The following DPP10 variants were observed in gnomAD, a reference collection of about 807,000 sequenced individuals.
The protein encoded by DPP10 is inactive dipeptidyl peptidase 10.
A neutral mutation model predicts 120.9 loss-of-function variants in DPP10; 33 were observed. That is an observed-to-expected ratio of 0.27 (90% confidence interval 0.21 to 0.37). The LOEUF (loss-of-function observed/expected upper bound fraction) is 0.37, where lower values mean the gene tolerates loss of function less well. DPP10 is among the 10% of genes least tolerant of loss of function. DPP10 has a pLI of 1.00. For missense variants in DPP10, 816 were observed against 942.8 expected (o/e 0.87, Z 1.76); for synonymous variants, 337 against 326.1 (o/e 1.03, Z -0.36).
At chr2:114,963,130 GA>G (rs1698769470) in intron 1 of DPP10, among the ~76,000 whole-genome samples, 2 of 152,080 alleles carry the variant, frequency 1.3e-5, no homozygotes, top group Admixed American at 1.3e-4. Flanking sequence ...ACTTATACAC[GA>G]GGACAGTATG....
chr2:115,794,111 A>G (rs1478994923), intron 19 of DPP10, among the ~76,000 whole-genome samples: 1 of 152,206 alleles, frequency 6.6e-6, no homozygotes, highest in Non-Finnish European at 1.5e-5. Context: ...GAGCAATTAG[A>G]CAGTGATAAA....
chr2:114,695,318 T>C (rs1700007522), intron 1 of DPP10, among the ~76,000 whole-genome samples: 1 of 152,022 alleles, frequency 6.6e-6, no homozygotes, highest in Non-Finnish European at 1.5e-5. Flanking sequence ...CACATCTCAG[T>C]TCAAATGATA....
chr2:114,657,592 A>G (rs1697060928), intron 1 of DPP10, among the ~76,000 whole-genome samples: 1 of 152,200 alleles, frequency 6.6e-6, no homozygotes, highest in East Asian at 1.9e-4. Flanking sequence ...CATCGTGAGA[A>G]GGCAAGATGT....
intron 5 of DPP10, among the ~76,000 whole-genome samples, chr2:115,638,258 T>C (rs2086512798): frequency 6.6e-6 from 1 of 152,186 alleles, no homozygotes; most frequent in Non-Finnish European, 1.5e-5. Context: ...TTACTAAAAC[T>C]GTGCTTGAAG....
At chr2:115,432,647 C>A (rs2071099310) in intron 3 of DPP10, among the ~76,000 whole-genome samples, 1 of 127,236 alleles carries the variant, frequency 7.9e-6, no homozygotes, top group Non-Finnish European at 1.7e-5. Context: ...TGTTTAAAAG[C>A]CATAGGCAAT....
At chr2:115,728,142 T>G (rs759368895) in intron 8 of DPP10, among the ~76,000 whole-genome samples, 1 of 152,074 alleles carries the variant, frequency 6.6e-6, no homozygotes, top group Non-Finnish European at 1.5e-5. Context: ...GATTCCATGT[T>G]TGGTGTATAT....
chr2:115,162,415 C>G (rs542344514), intron 1 of DPP10: 1 of 1,223,226 alleles, frequency 8.2e-7, no homozygotes, highest in Non-Finnish European at 1.1e-6. Context: ...GGCCGCTCAC[C>G]GGGTTCGAGC....
At chr2:115,635,940 A>G (rs899085234) in intron 5 of DPP10, among the ~76,000 whole-genome samples, 1 of 152,356 alleles carries the variant, frequency 6.6e-6, no homozygotes, top group East Asian at 1.9e-4. Flanking sequence ...TTTTCAAAGC[A>G]TCATTGCACA....
intron 1 of DPP10, among the ~76,000 whole-genome samples, chr2:114,692,812 T>C (rs1415183987): frequency 1.3e-5 from 2 of 152,142 alleles, no homozygotes; most frequent in African/African-American, 4.8e-5. Flanking sequence ...TCTTGCTTAA[T>C]TGAACCCTTT....
Position 114,794,929 on chromosome 2 carries a change from C to T in DPP10, c.60+352091C>T, listed in dbSNP as rs150908827. ...GATAGTGTAAGCTCTCAGTACATTGCGTGAGGCACATATCACTATTAATAA... is the reference window on the plus strand; with the variant it reads ...GATAGTGTAAGCTCTCAGTACATTGTGTGAGGCACATATCACTATTAATAA... On this transcript the variant is annotated intron_variant, in intron 1 of 25. Coordinates refer to ENST00000410059, the MANE Select transcript of DPP10 (RefSeq NM_020868.6). 5.9e-3 allele frequency among the ~76,000 whole-genome samples: 896 copies of T among 152,234 alleles called. 11 individuals carry two copies. The highest frequency in any genetic ancestry group is 0.02 in the African/African-American group (842 of 41,522).
chr2:115,741,422 T>G (rs1361093998), intron 9 of DPP10, among the ~76,000 whole-genome samples: 1 of 151,952 alleles, frequency 6.6e-6, no homozygotes, highest in African/African-American at 2.4e-5. Flanking sequence ...AATTATAGAT[T>G]TAGCTTTTTT....
At chr2:115,283,036 T>G (rs1049639066) in intron 1 of DPP10, among the ~76,000 whole-genome samples, 1 of 152,076 alleles carries the variant, frequency 6.6e-6, no homozygotes, top group African/African-American at 2.4e-5. Context: ...ATTCCATTTA[T>G]GTATCATTCT....
At chr2:114,467,042 A>G (rs1262227295) in intron 1 of DPP10, among the ~76,000 whole-genome samples, 2 of 151,866 alleles carry the variant, frequency 1.3e-5, no homozygotes, top group Admixed American at 1.3e-4. Context: ...ATATCCAAAA[A>G]AAAAAAAAAA....
At chr2:115,213,082 G>A (rs2056619927) in intron 1 of DPP10, among the ~76,000 whole-genome samples, 1 of 152,106 alleles carries the variant, frequency 6.6e-6, no homozygotes, top group Non-Finnish European at 1.5e-5. Context: ...GCTATAACAT[G>A]TACATTTGAA....
At position 115,160,751 on chromosome 2, in the gene DPP10, C is replaced by T. The variant is rs76069628; in HGVS notation, c.61-148488C>T. On this transcript the variant is annotated intron_variant, in intron 1 of 25. Coordinates refer to ENST00000410059, the MANE Select transcript of DPP10 (RefSeq NM_020868.6). ...ATGAACTGTGGACTTTGTCTATCCG[C>T]GGTAATTCAACTTCCTAAGAGCTAC... Among the ~76,000 whole-genome samples the T allele has an allele frequency of 3.1e-3, 465 of 152,282 alleles. 4 individuals carry two copies. Among genetic ancestry groups the T allele is most frequent in the African/African-American group, 0.011 (444 of 41,558 alleles).
At chr2:115,187,106 G>T (rs527942625) in intron 1 of DPP10, among the ~76,000 whole-genome samples, 1 of 131,956 alleles carries the variant, frequency 7.6e-6, no homozygotes, top group African/African-American at 2.8e-5. Context: ...GCGCAATCTC[G>T]GCTCACTGCA....
chr2:115,043,797 C>T (rs1015739434), intron 1 of DPP10, among the ~76,000 whole-genome samples: 2 of 152,156 alleles, frequency 1.3e-5, no homozygotes, highest in African/African-American at 4.8e-5. Context: ...TATATCAAAG[C>T]TCCTTCTCTT....
intron 1 of DPP10, among the ~76,000 whole-genome samples, chr2:115,005,733 G>A (rs1296158382): frequency 4.5e-4 from 69 of 152,000 alleles, no homozygotes; most frequent in Middle Eastern, 3.4e-3. Context: ...GACCAAATCT[G>A]CGTCTGATTG....
chr2:115,327,944 C>A (rs545537674), intron 2 of DPP10, among the ~76,000 whole-genome samples: 1 of 151,946 alleles, frequency 6.6e-6, no homozygotes, highest in Admixed American at 6.6e-5. Context: ...GCTTTTGTAT[C>A]ACAAGTGAAA....
Sources: allele counts gnomAD v4.1 joint callset (sites outside exome capture counted in the v4.1 genomes callset), GRCh38; gene constraint gnomAD v4.1.1; transcripts MANE v1.5; gene names NCBI Gene and HGNC (gene_info 2026-07-23, HGNC 2026-07-21).